The following TNNI3K variants were observed in gnomAD, a reference collection of about 807,000 sequenced individuals.
TNNI3K encodes the protein TNNI3 interacting kinase.
TNNI3K carries 140 observed loss-of-function variants against 114.5 expected under a neutral mutation model. The ratio of observed to expected loss-of-function variants is 1.22; its 90% CI spans 1.07 to 1.41. The LOEUF is 1.41. Ranked by LOEUF, TNNI3K falls within the 40% of genes most tolerant of loss-of-function variation. TNNI3K has a pLI of 0.00. For missense variants in TNNI3K, 1,125 were observed against 1,007.6 expected (o/e 1.12, Z -1.58); for synonymous variants, 347 against 347.5 (o/e 1.00, Z 0.02).
intron 2 of TNNI3K, among the ~76,000 whole-genome samples, chr1:74,239,462 C>G (rs541817386): frequency 6.6e-6 from 1 of 152,032 alleles, no homozygotes; most frequent in African/African-American, 2.4e-5. Context: ...CATTACTCAC[C>G]CTTATTCATT....
chr1:74,323,417 GA>G (rs1277252910), intron 5 of TNNI3K, among the ~76,000 whole-genome samples: 1 of 151,794 alleles, frequency 6.6e-6, no homozygotes, highest in East Asian at 1.9e-4. Flanking sequence ...AACATTAAAT[GA>G]AATAGATATT....
intron 5 of TNNI3K, among the ~76,000 whole-genome samples, chr1:74,296,328 G>A (rs996573184): frequency 1.3e-5 from 2 of 150,796 alleles, no homozygotes; most frequent in African/African-American, 4.9e-5. Flanking sequence ...AATTAAATTT[G>A]CTACTTCCCA....
intron 17 of TNNI3K, among the ~76,000 whole-genome samples, chr1:74,393,915 G>A (rs2100574972): frequency 6.6e-6 from 1 of 152,268 alleles, no homozygotes; most frequent in East Asian, 1.9e-4. Flanking sequence ...GATCTGACAG[G>A]AGGCGGAGCT....
At chr1:74,242,674 G>A (rs1557443937) in intron 2 of TNNI3K, among the ~76,000 whole-genome samples, 1 of 151,944 alleles carries the variant, frequency 6.6e-6, no homozygotes, top group Admixed American at 6.6e-5. Context: ...AATAAGAATC[G>A]TCAACAACAA....
chr1:74,491,245 G>C (rs1359809100), intron 22 of TNNI3K, among the ~76,000 whole-genome samples: 1 of 152,174 alleles, frequency 6.6e-6, no homozygotes, highest in Non-Finnish European at 1.5e-5. Flanking sequence ...TTTTGAGAGA[G>C]AGTCTCGCTC....
chr1:74,530,703 T>C (rs1322176005), intron 23 of TNNI3K, among the ~76,000 whole-genome samples: 1 of 148,578 alleles, frequency 6.7e-6, no homozygotes, highest in Non-Finnish European at 1.5e-5. Context: ...ATCACTGTCA[T>C]GCTACCAAGA....
At chr1:74,446,181 C>T (rs1380788889) in intron 20 of TNNI3K, among the ~76,000 whole-genome samples, 1 of 152,060 alleles carries the variant, frequency 6.6e-6, no homozygotes. Flanking sequence ...TCCTGTTTCT[C>T]CACATCCTCT....
chr1:74,319,932 T>G (rs924932119), intron 5 of TNNI3K, among the ~76,000 whole-genome samples: 1 of 152,182 alleles, frequency 6.6e-6, no homozygotes, highest in South Asian at 2.1e-4. Flanking sequence ...GCATAGCAGT[T>G]TAGTCATATG....
chr1:74,528,086 G>C (rs1012073632), intron 23 of TNNI3K, among the ~76,000 whole-genome samples: 1 of 152,170 alleles, frequency 6.6e-6, no homozygotes, highest in Non-Finnish European at 1.5e-5. Context: ...GTATGAGAAG[G>C]GTGGAGAGAA....
intron 19 of TNNI3K, among the ~76,000 whole-genome samples, chr1:74,438,621 G>C (rs1666239352): frequency 6.6e-6 from 1 of 152,064 alleles, no homozygotes; most frequent in African/African-American, 2.4e-5. Flanking sequence ...GTAAGTGGTA[G>C]AGCCAGAACT....
At chr1:74,309,773 A>G (rs903383397) in intron 5 of TNNI3K, among the ~76,000 whole-genome samples, 1 of 152,224 alleles carries the variant, frequency 6.6e-6, no homozygotes, top group African/African-American at 2.4e-5. Flanking sequence ...TCATGATAAA[A>G]ATCCTCAACA....
intron 9 of TNNI3K, among the ~76,000 whole-genome samples, chr1:74,351,246 G>T (rs1052244833): frequency 3.3e-5 from 5 of 151,588 alleles, no homozygotes; most frequent in Non-Finnish European, 7.4e-5. Flanking sequence ...GGCTGGATAT[G>T]AAATTCTGGG....
chr1:74,512,667 C>T (rs1035661893), intron 23 of TNNI3K: 1 of 152,238 alleles, frequency 6.6e-6, no homozygotes, highest in East Asian at 1.9e-4. Context: ...CACACCACCC[C>T]CTCCTGGCTT....
At chr1:74,468,536 G>T (rs1446239900) in intron 21 of TNNI3K, 1 of 152,084 alleles carries the variant, frequency 6.6e-6, no homozygotes, top group Admixed American at 6.6e-5. Context: ...GGCGAGAAAA[G>T]ATGAAGAAGA....
chr1:74,424,785 G>A lies in TNNI3K; in HGVS notation c.1773-11295G>A, dbSNP rs79444481. On this transcript the variant is annotated intron_variant, in intron 17 of 24. Coordinates refer to ENST00000326637, the MANE Select transcript of TNNI3K (RefSeq NM_015978.3). ...GAAGGTTGCTTTGAAGAGTCAAGAT[G>A]TAATATCAGTAACTATATTGATTAT... is the stretch of plus-strand genomic sequence containing the variant. 9.5e-3 allele frequency among the ~76,000 whole-genome samples: 1,437 copies of A among 151,134 alleles called. 17 individuals are homozygous for A. Among genetic ancestry groups the A allele is most frequent in the African/African-American group, 0.033 (1,374 of 41,318 alleles).
chr1:74,499,053 A>G (rs971487296), intron 23 of TNNI3K, among the ~76,000 whole-genome samples: 2 of 152,224 alleles, frequency 1.3e-5, no homozygotes, highest in Non-Finnish European at 2.9e-5. Flanking sequence ...AAATGAATAA[A>G]TAAACAAGCA....
At position 74,347,107 on chromosome 1, in the gene TNNI3K, C is replaced by G. The variant is rs143143500; in HGVS notation, c.932+3928C>G. 4.0e-3 allele frequency among the ~76,000 whole-genome samples: 601 copies of G among 150,672 alleles called. 5 individuals are homozygous for G. Among genetic ancestry groups the G allele is most frequent in the African/African-American group, 0.014 (568 of 40,948 alleles). ...GTTGCTGAGCTGCACCCATTAACTC[C>G]TCATTTATCATTACGTATATCTCCT... On this transcript the variant is annotated intron_variant, in intron 9 of 24. Coordinates refer to ENST00000326637, the MANE Select transcript of TNNI3K (RefSeq NM_015978.3).
chr1:74,483,315 CAT>C, intron 21 of TNNI3K: 1 of 717,514 alleles, frequency 1.4e-6, no homozygotes, highest in Middle Eastern at 2.3e-4. Flanking sequence ...GCACACCACA[CAT>C]GACTCAGGGC....
At chr1:74,540,133 C>A in intron 23 of TNNI3K, 101 bp from the exon 24 acceptor site, 5 of 1,246,450 alleles carry the variant, frequency 4.0e-6, no homozygotes, top group Middle Eastern at 2.2e-4. Flanking sequence ...TATCACTTTG[C>A]CATTTCTCTG....
Sources: allele counts gnomAD v4.1 joint callset (sites outside exome capture counted in the v4.1 genomes callset), GRCh38; gene constraint gnomAD v4.1.1; transcripts MANE v1.5; gene names NCBI Gene and HGNC (gene_info 2026-07-23, HGNC 2026-07-21).